The following ZNF793 variants were observed in gnomAD, a reference collection of about 807,000 sequenced individuals.
ZNF793 encodes zinc finger protein 793.
A neutral mutation model predicts 12.4 loss-of-function variants in ZNF793; 5 were observed. That is an observed-to-expected ratio of 0.40 (90% confidence interval 0.21 to 0.84). The LOEUF is 0.84. Among genes scored for constraint, ZNF793 ranks in the 40% least tolerant of loss-of-function variants. ZNF793 has a pLI of 0.35. For missense variants in ZNF793, 456 were observed against 495.0 expected (o/e 0.92, Z 0.75); for synonymous variants, 162 against 172.4 (o/e 0.94, Z 0.47).
intron 2 of ZNF793, among the ~76,000 whole-genome samples, chr19:37,509,158 G>A (rs2042273840): frequency 6.6e-6 from 1 of 152,186 alleles, no homozygotes; most frequent in South Asian, 2.1e-4. Context: ...CAGTGGGGAA[G>A]CCTGGGCTTT....
chr19:37,510,976 C>T (rs1450987535), intron 2 of ZNF793, among the ~76,000 whole-genome samples: 3 of 151,930 alleles, frequency 2.0e-5, no homozygotes, highest in East Asian at 2.0e-4. Flanking sequence ...GGATTACAGG[C>T]GTGAGCCACC....
At chr19:37,524,713 G>T (rs1283513190) in intron 5 of ZNF793, among the ~76,000 whole-genome samples, 1 of 152,200 alleles carries the variant, frequency 6.6e-6, no homozygotes, top group Non-Finnish European at 1.5e-5. Flanking sequence ...GGCGTCTCCT[G>T]GGAGCCTGTG....
chr19:37,518,916 G>C (rs139740618), intron 2 of ZNF793, among the ~76,000 whole-genome samples: 2 of 152,240 alleles, frequency 1.3e-5, no homozygotes, highest in East Asian at 3.9e-4. Flanking sequence ...AGACTAATTA[G>C]TTCCTTGAGA....
At position 37,519,839 on chromosome 19, in the gene ZNF793, C is replaced by G. The variant is rs375276893; in HGVS notation, c.-275-345C>G. Among the ~76,000 whole-genome samples, 95 of 152,320 alleles carry G rather than the reference C, an allele frequency of 6.2e-4. 2 individuals carry two copies. In the East Asian group the frequency reaches 0.01, roughly 16 times the overall value. On this transcript the variant is annotated intron_variant, in intron 2 of 7. Transcript: ENST00000627814. ...CATCACACATCAGTAAATGGCAGAG[C>G]CTGCATTTGAACCCAGGTTGTCTGG...
Position 37,541,251 on chromosome 19 carries a change from C to T in ZNF793, c.*3372C>T, listed in dbSNP as rs2042550180. ...TGGATTAACAGCACAAAAATAAATT[C>T]TGGGTGGCTTTAAGACGTAAAATTT... On this transcript the variant is annotated 3_prime_UTR_variant, in exon 8 of 8. Coordinates refer to ENST00000627814, the MANE Select transcript of ZNF793 (RefSeq NM_001013659.3). 1 of 152,110 alleles carries T rather than the reference C, an allele frequency of 6.6e-6. No individual in the cohort carries two copies. Among genetic ancestry groups the T allele is most frequent in the African/African-American group, 2.4e-5 (1 of 41,420 alleles). The allele number at this position is 152,110 out of a possible 1,614,324, so 9.4% of individuals were successfully genotyped here.
intron 6 of ZNF793, 124 bp downstream of exon 6, chr19:37,532,606 T>C: frequency 9.5e-7 from 1 of 1,055,878 alleles, no homozygotes; most frequent in South Asian, 1.9e-5. Context: ...AGGTCAGGAG[T>C]TTGAAACCTG....
intron 2 of ZNF793, among the ~76,000 whole-genome samples, chr19:37,509,950 AT>A (rs919880128): frequency 4.6e-5 from 7 of 152,082 alleles, no homozygotes; most frequent in Non-Finnish European, 7.4e-5. Context: ...TGGGATATTC[AT>A]TGGGGGGGAG....
chr19:37,542,367 TG>T lies in ZNF793; in HGVS notation c.*4491del. The T allele has an allele frequency of 3.0e-6, 1 of 333,660 alleles. No individual in the cohort carries two copies. The allele number at this position is 333,660 out of a possible 1,614,324, so 20.7% of individuals were successfully genotyped here. A position where few individuals can be genotyped will look rare whatever the true frequency, so the allele number is the denominator to read the frequency against. On this transcript the variant is annotated 3_prime_UTR_variant, in exon 8 of 8. Transcript: ENST00000627814. ...AAGATCGCGCCATTGCACTCCAACC[TG>T]GGCAACAGAGCAAAAAGATTCCATC... is the stretch of plus-strand genomic sequence containing the variant.
chr19:37,541,052 A>G lies in ZNF793; in HGVS notation c.*3173A>G, dbSNP rs1289260027. 4 of 152,118 alleles carry G rather than the reference A, an allele frequency of 2.6e-5. No homozygotes were observed. The highest frequency in any genetic ancestry group is 2.6e-4 in the Admixed American group (4 of 15,280). The allele number at this position is 152,118 out of a possible 1,614,324, so 9.4% of individuals were successfully genotyped here. Reference sequence around the variant, plus strand: ...CTAATGAAATTAATATTGTATTGGCAAAGGAACAGGTAAATACATCATTAG... The same window carrying G: ...CTAATGAAATTAATATTGTATTGGCGAAGGAACAGGTAAATACATCATTAG... On this transcript the variant is annotated 3_prime_UTR_variant, in exon 8 of 8. Transcript: ENST00000627814.
intron 2 of ZNF793, among the ~76,000 whole-genome samples, chr19:37,514,516 A>G (rs1291510913): frequency 3.3e-5 from 5 of 152,104 alleles, no homozygotes; most frequent in African/African-American, 1.2e-4. Flanking sequence ...TGATTGTGCC[A>G]CTGCACTCCA....
chr19:37,521,539 G>A (rs1396408925), intron 3 of ZNF793, among the ~76,000 whole-genome samples: 3 of 151,336 alleles, frequency 2.0e-5, no homozygotes, highest in African/African-American at 7.3e-5. Context: ...AGGTTCAAGG[G>A]ATCAAGGGAT....
chr19:37,513,307 T>TA (rs1290287314), intron 2 of ZNF793, among the ~76,000 whole-genome samples: 1 of 152,228 alleles, frequency 6.6e-6, no homozygotes, highest in Non-Finnish European at 1.5e-5. Context: ...TACTTCTAAT[T>TA]ATGGTTACCA....
intron 2 of ZNF793, among the ~76,000 whole-genome samples, chr19:37,516,573 T>C (rs1231926914): frequency 6.6e-6 from 1 of 152,164 alleles, no homozygotes; most frequent in Non-Finnish European, 1.5e-5. Flanking sequence ...ACTGAGATGG[T>C]GCCCATCAGA....
intron 2 of ZNF793, among the ~76,000 whole-genome samples, chr19:37,511,685 G>T (rs1272122176): frequency 6.6e-6 from 1 of 152,102 alleles, no homozygotes; most frequent in Non-Finnish European, 1.5e-5. Flanking sequence ...AAATAAAAAA[G>T]AAATTCTAAT....
chr19:37,541,000 G>A lies in ZNF793; in HGVS notation c.*3121G>A, dbSNP rs1049503784. On this transcript the variant is annotated 3_prime_UTR_variant, in exon 8 of 8. Transcript: ENST00000627814. The stretch of plus-strand genomic sequence containing the variant: ...TAAAAATTTTTAAAATGCCATGCTA[G>A]ATACCAGAAGATAACATGAAGCCAT... 1 of 151,824 alleles carries A rather than the reference G, an allele frequency of 6.6e-6. No homozygotes were observed. The highest frequency in any genetic ancestry group is 1.5e-5 in the Non-Finnish European group (1 of 67,978). 9.4% of individuals were successfully genotyped at this position (151,824 alleles called of 1,614,324 possible). A position where few individuals can be genotyped will look rare whatever the true frequency, so the allele number is the denominator to read the frequency against.
chr19:37,514,571 T>TAGAC lies in ZNF793; in HGVS notation c.-275-5609_-275-5606dup, dbSNP rs1163278016. ...ACCCTGTCTCCAGTAGATAGATAGATAGACAGATAGATAGATAGATAGATA... is the reference window on the plus strand; with the variant it reads ...ACCCTGTCTCCAGTAGATAGATAGATAGACAGACAGATAGATAGATAGATAGATA... On this transcript the variant is annotated intron_variant, in intron 2 of 7. Transcript: ENST00000627814. Among the ~76,000 whole-genome samples, 9 of 128,660 alleles carry TAGAC rather than the reference T, an allele frequency of 7.0e-5. No individual in the cohort carries two copies. The South Asian group carries it at 1.4e-3, about 20-fold the overall frequency. The allele number at this position is 128,660 out of a possible 152,430, so 84.4% of individuals were successfully genotyped here. A position where few individuals can be genotyped will look rare whatever the true frequency, so the allele number is the denominator to read the frequency against.
At chr19:37,513,120 A>G (rs1010869255) in intron 2 of ZNF793, among the ~76,000 whole-genome samples, 2 of 152,190 alleles carry the variant, frequency 1.3e-5, no homozygotes, top group African/African-American at 4.8e-5. Context: ...GGTTTGTCAC[A>G]TTAATGGTGA....
chr19:37,535,288 A>C (rs1462041565), intron 7 of ZNF793: 1 of 152,166 alleles, frequency 6.6e-6, no homozygotes, highest in African/African-American at 2.4e-5. Context: ...CACTGCACCC[A>C]GCCCCACTTT....
chr19:37,525,340 G>C (rs1403367667), intron 5 of ZNF793, among the ~76,000 whole-genome samples: 1 of 151,434 alleles, frequency 6.6e-6, no homozygotes, highest in Non-Finnish European at 1.5e-5. Flanking sequence ...GGGTTTCACC[G>C]TGTTAGCCAG....
Sources: gnomAD v4.1 joint callset for allele counts (sites outside exome capture counted in the v4.1 genomes callset) on GRCh38, gnomAD v4.1.1 for gene constraint, MANE v1.5 for transcripts, NCBI Gene and HGNC (gene_info 2026-07-23, HGNC 2026-07-21) for gene names.